The following SLC10A7 variants were observed in gnomAD, a reference collection of about 807,000 sequenced individuals.
SLC10A7 encodes the protein sodium/bile acid cotransporter 7.
A neutral mutation model predicts 43.2 loss-of-function variants in SLC10A7; 29 were observed. The ratio of observed to expected loss-of-function variants is 0.67; its 90% confidence interval spans 0.50 to 0.92. The LOEUF is 0.92. SLC10A7 is among the 40% of genes least tolerant of loss of function. SLC10A7 has a pLI of 0.00. For missense variants in SLC10A7, 295 were observed against 403.2 expected (o/e 0.73, Z 2.30); for synonymous variants, 152 against 144.8 (o/e 1.05, Z -0.35).
intron 4 of SLC10A7, among the ~76,000 whole-genome samples, chr4:146,501,888 C>T (rs924746127): frequency 1.3e-5 from 2 of 152,204 alleles, no homozygotes; most frequent in African/African-American, 4.8e-5. Context: ...CTTCAAAATA[C>T]ACCCTGAATC....
intron 9 of SLC10A7, among the ~76,000 whole-genome samples, chr4:146,292,102 A>G (rs1422077461): frequency 1.3e-5 from 2 of 152,212 alleles, no homozygotes; most frequent in African/African-American, 4.8e-5. Context: ...AAGATTTTAC[A>G]TCAACCTAAA....
At chr4:146,451,504 A>G (rs1731601909) in intron 4 of SLC10A7, among the ~76,000 whole-genome samples, 1 of 152,102 alleles carries the variant, frequency 6.6e-6, no homozygotes, top group Admixed American at 6.6e-5. Flanking sequence ...ATGGAATCCA[A>G]CAGCACATCA....
At chr4:146,385,799 T>C (rs1363094332) in intron 5 of SLC10A7, among the ~76,000 whole-genome samples, 4 of 152,198 alleles carry the variant, frequency 2.6e-5, no homozygotes, top group Admixed American at 2.6e-4. Flanking sequence ...GCCATCTTCA[T>C]GTCCGTAAGT....
intron 4 of SLC10A7, among the ~76,000 whole-genome samples, chr4:146,451,943 C>G (rs1462181032): frequency 6.6e-6 from 1 of 152,028 alleles, no homozygotes; most frequent in East Asian, 1.9e-4. Flanking sequence ...ACTCTAATGT[C>G]ACTGAGCCGC....
chr4:146,375,369 T>C (rs756616735), intron 5 of SLC10A7, among the ~76,000 whole-genome samples: 4 of 152,172 alleles, frequency 2.6e-5, no homozygotes, highest in Non-Finnish European at 4.4e-5. Context: ...CTCTTACCTT[T>C]GCATTCATTG....
At chr4:146,361,446 A>T (rs576756810) in intron 5 of SLC10A7, among the ~76,000 whole-genome samples, 4 of 152,288 alleles carry the variant, frequency 2.6e-5, no homozygotes, top group East Asian at 3.9e-4. Context: ...TAATCCAGGA[A>T]ATTCTCCCTT....
chr4:146,333,271 G>A (rs1454543984), intron 5 of SLC10A7, among the ~76,000 whole-genome samples: 1 of 151,968 alleles, frequency 6.6e-6, no homozygotes, highest in Non-Finnish European at 1.5e-5. Flanking sequence ...TATCTTTTCA[G>A]ATTTTGATTT....
intron 10 of SLC10A7, among the ~76,000 whole-genome samples, chr4:146,260,317 C>T (rs532732502): frequency 5.3e-5 from 8 of 152,226 alleles, no homozygotes; most frequent in East Asian, 1.9e-4. Flanking sequence ...TTCCAAGAAA[C>T]GTTATTCATT....
At chr4:146,451,994 A>G (rs1731643971) in intron 4 of SLC10A7, among the ~76,000 whole-genome samples, 1 of 152,098 alleles carries the variant, frequency 6.6e-6, no homozygotes, top group Non-Finnish European at 1.5e-5. Flanking sequence ...GCATCTTGGT[A>G]TATGAGAAAA....
At position 146,508,608 on chromosome 4, in the gene SLC10A7, C is replaced by T. The variant is rs147028638; in HGVS notation, c.320+1305G>A. 3.7e-3 allele frequency among the ~76,000 whole-genome samples: 562 copies of T among 152,230 alleles called. 8 individuals are homozygous for T. The highest frequency in any genetic ancestry group is 0.012 in the African/African-American group (517 of 41,524). On this transcript the variant is annotated intron_variant, in intron 3 of 11. Coordinates refer to ENST00000335472, the MANE Select transcript of SLC10A7 (RefSeq NM_001029998.6). ...TAAAACCCAGAAGTCACGCTTGGTTCCTCTGTCCTCCTTCTACATCCTCCT... is the reference window on the plus strand; with the variant it reads ...TAAAACCCAGAAGTCACGCTTGGTTTCTCTGTCCTCCTTCTACATCCTCCT...
Position 146,445,923 on chromosome 4 carries a change from G to A in SLC10A7, c.397-3102C>T, listed in dbSNP as rs536470319. On this transcript the variant is annotated intron_variant, in intron 4 of 11. Coordinates refer to ENST00000335472, the MANE Select transcript of SLC10A7 (RefSeq NM_001029998.6). ...TGTGTGTGTGTGTGTGTGCACGTGC[G>A]CACGCGCGTGCACGGGAGTCCCCTG... 3.5e-3 allele frequency among the ~76,000 whole-genome samples: 534 copies of A among 151,812 alleles called. 3 individuals carry two copies. Among genetic ancestry groups the A allele is most frequent in the African/African-American group, 7.9e-3 (325 of 41,308 alleles).
intron 4 of SLC10A7, among the ~76,000 whole-genome samples, chr4:146,501,157 C>T (rs1254509554): frequency 6.6e-6 from 1 of 152,126 alleles, no homozygotes; most frequent in East Asian, 1.9e-4. Flanking sequence ...ATGCTCTCTC[C>T]CCAAATAATC....
At chr4:146,399,112 T>C (rs577051424) in intron 5 of SLC10A7, among the ~76,000 whole-genome samples, 1 of 152,298 alleles carries the variant, frequency 6.6e-6, no homozygotes, top group Non-Finnish European at 1.5e-5. Context: ...GAGCTGACAC[T>C]GGAGTGACAA....
At chr4:146,468,811 T>A (rs1249042421) in intron 4 of SLC10A7, among the ~76,000 whole-genome samples, 2 of 152,158 alleles carry the variant, frequency 1.3e-5, no homozygotes, top group Non-Finnish European at 2.9e-5. Flanking sequence ...TAATTTACTG[T>A]GATTTTAAAA....
chr4:146,519,383 T>C (rs1383508023), intron 1 of SLC10A7, among the ~76,000 whole-genome samples: 2 of 148,692 alleles, frequency 1.3e-5, no homozygotes, highest in Non-Finnish European at 3.0e-5. Context: ...GTCTTAGGCA[T>C]TTGTAGTACA....
rs990429566 is a variant in SLC10A7 at position 146,275,292 on chromosome 4, A to T, written c.847+7900T>A. On this transcript the variant is annotated intron_variant, in intron 10 of 11. Coordinates refer to ENST00000335472, the MANE Select transcript of SLC10A7 (RefSeq NM_001029998.6). The stretch of plus-strand genomic sequence containing the variant: ...AAAGGGCTCAAGATTCTAAAGCTAC[A>T]TACTTAAGCCCTTCAAAATCAGAAT... Among the ~76,000 whole-genome samples the T allele has an allele frequency of 5.9e-5, 9 of 152,364 alleles. 1 individual carries two copies. The East Asian group carries it at 1.7e-3, about 29-fold the overall frequency.
chr4:146,339,760 C>T (rs1345321619), intron 5 of SLC10A7, among the ~76,000 whole-genome samples: 2 of 150,898 alleles, frequency 1.3e-5, no homozygotes, highest in African/African-American at 2.4e-5. Flanking sequence ...TTCTCATATC[C>T]TCACTTCTAC....
intron 8 of SLC10A7, among the ~76,000 whole-genome samples, chr4:146,293,307 A>T (rs1730564915): frequency 6.6e-6 from 1 of 152,240 alleles, no homozygotes; most frequent in Non-Finnish European, 1.5e-5. Context: ...ATGCAGTAGC[A>T]TACAATATAC....
At chr4:146,390,477 A>G (rs1738346844) in intron 5 of SLC10A7, among the ~76,000 whole-genome samples, 1 of 152,058 alleles carries the variant, frequency 6.6e-6, no homozygotes, top group Non-Finnish European at 1.5e-5. Flanking sequence ...AAAAATACAA[A>G]AAATTAGCCG....
Sources: allele counts gnomAD v4.1 joint callset (sites outside exome capture counted in the v4.1 genomes callset), GRCh38; gene constraint gnomAD v4.1.1; transcripts MANE v1.5; gene names NCBI Gene and HGNC (gene_info 2026-07-23, HGNC 2026-07-21).